Variants in KRT77 observed in about 807,000 individuals in gnomAD.
The protein encoded by KRT77 is keratin 77.
In KRT77, 44 loss-of-function variants were observed where a neutral mutation model predicts 51.5. The ratio of observed to expected loss-of-function variants is 0.85; its 90% confidence interval spans 0.67 to 1.10. The LOEUF (loss-of-function observed/expected upper bound fraction) is 1.10. Ranked by LOEUF, KRT77 falls within the 50% of genes least tolerant of loss-of-function variation. The pLI is 0.00. For missense variants in KRT77, 763 were observed against 743.9 expected (o/e 1.03, Z -0.30); for synonymous variants, 293 against 302.0 (o/e 0.97, Z 0.31).
At chr12:52,702,828 G>C in intron 1 of KRT77, 64 bp downstream of exon 1, 1 of 1,509,010 alleles carries the variant, frequency 6.6e-7, no homozygotes. Context: ...GAGGTGGTAA[G>C]GTGTAATCTC....
chr12:52,702,771 T>C (rs1941903476), intron 1 of KRT77, 121 bp downstream of exon 1: 2 of 1,005,516 alleles, frequency 2.0e-6, no homozygotes, highest in Non-Finnish European at 3.0e-6. Context: ...AATGGGTAAA[T>C]GATTTTCTAA....
chr12:52,700,142 A>G (rs1330919556), intron 1 of KRT77, among the ~76,000 whole-genome samples: 1 of 152,126 alleles, frequency 6.6e-6, no homozygotes. Context: ...AGCGTCCAGC[A>G]CTGACCCCTG....
Position 52,690,474 on chromosome 12 carries a change from A to C in KRT77, c.*691T>G, listed in dbSNP as rs909909845. ...AGGCTATGGACCAAGAGGCAGGAAT[A>C]GGCCGCTGGTGCAGAGGTTTTCCTT... On this transcript the variant is annotated 3_prime_UTR_variant, in exon 9 of 9. Coordinates refer to ENST00000341809, the MANE Select transcript of KRT77 (RefSeq NM_175078.3). The C allele has an allele frequency of 1.9e-5, 3 of 155,348 alleles. No individual in the cohort carries two copies. The highest frequency in any genetic ancestry group is 6.2e-5 in the Admixed American group (1 of 16,124). 9.6% of individuals were successfully genotyped at this position (155,348 alleles called of 1,614,324 possible).
At chr12:52,702,194 T>C (rs1941894212) in intron 1 of KRT77, among the ~76,000 whole-genome samples, 2 of 152,196 alleles carry the variant, frequency 1.3e-5, no homozygotes. Context: ...ACTACCCCTA[T>C]TGACACACTT....
intron 7 of KRT77, 106 bp downstream of exon 7, chr12:52,692,315 A>T (rs1294410500): frequency 3.1e-6 from 4 of 1,289,668 alleles, no homozygotes; most frequent in Non-Finnish European, 4.3e-6. Flanking sequence ...CTGGGCTACC[A>T]ATCTTCCCAA....
intron 1 of KRT77, among the ~76,000 whole-genome samples, chr12:52,700,799 CAAG>C (rs1211809524): frequency 1.3e-5 from 2 of 152,136 alleles, no homozygotes; most frequent in Non-Finnish European, 2.9e-5. Context: ...TCAGTCGAGA[CAAG>C]AAGCCACTGG....
intron 1 of KRT77, among the ~76,000 whole-genome samples, chr12:52,698,899 G>T (rs1465363912): frequency 6.6e-6 from 1 of 152,206 alleles, no homozygotes; most frequent in African/African-American, 2.4e-5. Flanking sequence ...GCTTTGTGTG[G>T]TCAGAACGGA....
intron 1 of KRT77, among the ~76,000 whole-genome samples, chr12:52,699,581 A>C (rs942719147): frequency 1.3e-5 from 2 of 152,212 alleles, no homozygotes; most frequent in Non-Finnish European, 2.9e-5. Context: ...GCTGCTGAGC[A>C]ACCTTCTCGC....
intron 2 of KRT77, among the ~76,000 whole-genome samples, chr12:52,697,055 CATA>C (rs1262676691): frequency 6.6e-6 from 1 of 152,234 alleles, no homozygotes; most frequent in African/African-American, 2.4e-5. Context: ...TGTTTATAGT[CATA>C]ATAACAAGGG....
At chr12:52,692,047 G>C (rs749280273) in intron 7 of KRT77, 75 bp from the exon 8 acceptor site, 16 of 1,475,150 alleles carry the variant, frequency 1.1e-5, no homozygotes, top group Non-Finnish European at 1.5e-5. Flanking sequence ...CAGACATCTG[G>C]ATCAGAGGTG....
Position 52,692,654 on chromosome 12 carries a change from C to G in KRT77, c.1207-13G>C. On this transcript the variant is annotated splice_polypyrimidine_tract_variant and intron_variant, in intron 6 of 8. Transcript: ENST00000341809. ...GCATCTGTTCAATCTGCTCCAGAGA[C>G]AGTTGGAGACCATTTAATGGTTAAG... The G allele has an allele frequency of 6.4e-7, 1 of 1,570,546 alleles. No individual in the cohort carries two copies. Among genetic ancestry groups the G allele is most frequent in the South Asian group, 1.1e-5 (1 of 90,118 alleles).
At chr12:52,700,380 G>A (rs959286462) in intron 1 of KRT77, among the ~76,000 whole-genome samples, 8 of 152,130 alleles carry the variant, frequency 5.3e-5, no homozygotes, top group African/African-American at 1.9e-4. Flanking sequence ...CCGGGGCATA[G>A]GAACACTGAA....
rs1470879315 is a variant in KRT77 at position 52,691,043 on chromosome 12, G to A, written c.*122C>T. On this transcript the variant is annotated 3_prime_UTR_variant, in exon 9 of 9. Transcript: ENST00000341809. ...TTCCCCCATTAGAGTCGAATTTATT[G>A]GCAAAATTGCTGAGACCCATTAAGA... 59 of 1,431,216 alleles carry A rather than the reference G, an allele frequency of 4.1e-5. No homozygotes were observed. Among genetic ancestry groups the A allele is most frequent in the Non-Finnish European group, 5.6e-5 (58 of 1,036,506 alleles). The allele number at this position is 1,431,216 out of a possible 1,614,324, so 88.7% of individuals were successfully genotyped here. A position where few individuals can be genotyped will look rare whatever the true frequency, so the allele number is the denominator to read the frequency against.
In KRT77 at chr12:52,692,573, C is replaced by T. The variant is rs376686743; in HGVS notation, c.1275G>A (p.Trp425Ter). 7 of 1,454,988 alleles carry T rather than the reference C, an allele frequency of 4.8e-6. No homozygotes were observed. The highest frequency in any genetic ancestry group is 5.7e-6 in the Non-Finnish European group (6 of 1,047,756). The allele number at this position is 1,454,988 out of a possible 1,614,324, so 90.1% of individuals were successfully genotyped here. ...ERGEQALQDA[W>*]QKLQDLEEAL... is the part of the protein sequence containing the mutation. The stretch of plus-strand genomic sequence containing the variant: ...CCTCCTCCAGGTCCTGCAGCTTCTG[C>T]CACGCATCCTGGAGGGCCTGCTCGC... The change falls in exon 7 of 9, where the codon TGG (tryptophan) becomes TGA (stop). Residue 425 changes from tryptophan (W) to a stop codon, truncating the protein, a stop_gained. Coordinates refer to ENST00000341809, the MANE Select transcript of KRT77 (RefSeq NM_175078.3). LOFTEE classifies it high-confidence loss of function.
chr12:52,695,671 A>C, intron 4 of KRT77, 101 bp downstream of exon 4: 1 of 634,188 alleles, frequency 1.6e-6, no homozygotes, highest in Non-Finnish European at 2.6e-6. Flanking sequence ...ATGAGTCCCT[A>C]GTGGGACCCT....
At chr12:52,702,368 A>T (rs1368987162) in intron 1 of KRT77, among the ~76,000 whole-genome samples, 1 of 151,822 alleles carries the variant, frequency 6.6e-6, no homozygotes, top group African/African-American at 2.4e-5. Context: ...TGGATAGTTG[A>T]ATGGATTGAT....
rs1279521170 is a variant in KRT77, at chr12:52,702,542, GTGTGTGTGTGTT to G, written c.543+338_543+349del. 5.1e-3 allele frequency among the ~76,000 whole-genome samples: 494 copies of G among 96,916 alleles called. 1 individual carries two copies. The highest frequency in any genetic ancestry group is 8.4e-3 in the Admixed American group (66 of 7,820). The allele number at this position is 96,916 out of a possible 152,430, so 63.6% of individuals were successfully genotyped here. ...AATGGATGGATGTGTGTGTGTGTGT[GTGTGTGTGTGTT>G]TGTGTGTGTGTGTATAAATGGATTG... On this transcript the variant is annotated intron_variant, in intron 1 of 8. Coordinates refer to ENST00000341809, the MANE Select transcript of KRT77 (RefSeq NM_175078.3).
rs1381010377 is a variant in KRT77 at position 52,692,771 on chromosome 12, C to T, written c.1190G>A (p.Ser397Asn). The change falls in exon 6 of 9, where the codon AGC becomes AAC. Residue 397 changes from serine to asparagine, a missense_variant. Physicochemically the swap from Ser to Asn is conservative, Grantham distance 46 (BLOSUM62 1). Coordinates refer to ENST00000341809, the MANE Select transcript of KRT77 (RefSeq NM_175078.3). ...CCGTCCCACCTGCTTCTTCACGTTG[C>T]TGATCTCTGCCTGCAGCCTCTGGAC... ...RTVQRLQAEI[S>N]NVKKQIEQMQ... is the part of the protein sequence containing the mutation. 6.2e-7 allele frequency: 1 copy of T among 1,604,504 alleles called. No individual in the cohort carries two copies. Among genetic ancestry groups the T allele is most frequent in the East Asian group, 2.2e-5 (1 of 44,864 alleles).
chr12:52,698,701 T>G (rs918190619), intron 1 of KRT77, among the ~76,000 whole-genome samples: 2 of 152,220 alleles, frequency 1.3e-5, no homozygotes, highest in South Asian at 2.1e-4. Context: ...CTTGGCATGG[T>G]AATGACCAGC....
Sources: gnomAD v4.1 joint callset for allele counts (sites outside exome capture counted in the v4.1 genomes callset) on GRCh38, gnomAD v4.1.1 for gene constraint, MANE v1.5 for transcripts, NCBI Gene and HGNC (gene_info 2026-07-23, HGNC 2026-07-21) for gene names.